ASMT: variants seen among roughly 807,000 people sequenced by gnomAD.
The protein encoded by ASMT is acetylserotonin O-methyltransferase.
ASMT carries 53 observed loss-of-function variants against 41.3 expected under a neutral mutation model. The ratio of observed to expected loss-of-function variants is 1.28; its 90% CI spans 1.03 to 1.61. The LOEUF (loss-of-function observed/expected upper bound fraction) is 1.61, where lower values mean the gene tolerates loss of function less well. ASMT is among the 40% of genes most tolerant of loss of function. ASMT has a pLI of 0.00. For synonymous variants in ASMT, 231 were observed against 184.8 expected, an observed-to-expected ratio of 1.25 and a Z score of -2.03; for missense variants, 531 against 441.3, an observed-to-expected ratio of 1.20 and a Z score of -1.82.
intron 1 of ASMT, among the ~76,000 whole-genome samples, chrX:1,615,663 T>G (rs1170296116): frequency 5.3e-5 from 8 of 151,728 alleles, no homozygotes; most frequent in South Asian, 2.1e-4. Context: ...TTAGCCAGGC[T>G]TGGTGGTACA....
chrX:1,615,603 G>C (rs1333530558), intron 1 of ASMT, among the ~76,000 whole-genome samples: 1 of 152,002 alleles, frequency 6.6e-6, no homozygotes, highest in Non-Finnish European at 1.5e-5. Context: ...GGGAGTTCGA[G>C]ACCAGCCTGA....
rs201557588 is a variant in ASMT, at chrX:1,623,125, G to C, written c.70-14G>C. 3.7e-6 allele frequency: 6 copies of C among 1,611,936 alleles called. No homozygotes were observed. The highest frequency in any genetic ancestry group is 5.1e-6 in the Non-Finnish European group (6 of 1,179,790). On this transcript the variant is annotated splice_polypyrimidine_tract_variant and intron_variant, in intron 1 of 8. Transcript: ENST00000381241. ...GGCTGAGCCCTGACCTTTTATTTCC[G>C]CTCCTGCTCCAAGGTTCTCTTCGCC...
Position 1,622,998 on chromosome X carries a change from C to CAA in ASMT, c.70-131_70-130dup, listed in dbSNP as rs372723318. 7.8e-3 allele frequency: 4,570 copies of CAA among 588,400 alleles called. 6 individuals carry two copies. Among genetic ancestry groups the CAA allele is most frequent in the African/African-American group, 0.041 (2,100 of 51,430 alleles). 36.4% of individuals were successfully genotyped at this position (588,400 alleles called of 1,614,324 possible). On this transcript the variant is annotated intron_variant, in intron 1 of 8. Coordinates refer to ENST00000381241, the MANE Select transcript of ASMT (RefSeq NM_001171038.2). Reference sequence around the variant, plus strand: ...GGTGCAATCTCATTTGACTCTGTCTCAAAAAAAAAAATAAATAAATGAATA... The same window carrying CAA: ...GGTGCAATCTCATTTGACTCTGTCTCAAAAAAAAAAAAATAAATAAATGAATA...
At position 1,618,602 on chromosome X, in the gene ASMT, A is replaced by AT. The variant is rs1934223335; in HGVS notation, c.69+3340dup. The stretch of plus-strand genomic sequence containing the variant: ...GGCGTGAGCCACTGACATCCAGCTA[A>AT]TTTTTTGTATTTTTGGTAGAGACGG... On this transcript the variant is annotated intron_variant, in intron 1 of 8. Transcript: ENST00000381241. 2.0e-5 allele frequency among the ~76,000 whole-genome samples: 3 copies of AT among 148,300 alleles called. No individual in the cohort carries two copies. In the South Asian group the frequency reaches 6.4e-4, roughly 32 times the overall value.
intron 7 of ASMT, among the ~76,000 whole-genome samples, chrX:1,635,742 A>G (rs1438145942): frequency 1.2e-4 from 18 of 151,578 alleles, no homozygotes; most frequent in Admixed American, 1.2e-3. Context: ...GGTGCCTGTA[A>G]TCCCAGCTAC....
chrX:1,629,361 G>T (rs1934683495), intron 4 of ASMT, among the ~76,000 whole-genome samples: 1 of 152,012 alleles, frequency 6.6e-6, no homozygotes, highest in Non-Finnish European at 1.5e-5. Flanking sequence ...CAACACCAGA[G>T]CCCTGTCCGC....
intron 1 of ASMT, among the ~76,000 whole-genome samples, chrX:1,622,141 A>G (rs1934358785): frequency 1.3e-5 from 2 of 151,438 alleles, no homozygotes; most frequent in African/African-American, 2.4e-5. Context: ...ACAGGTGCGC[A>G]CCACCATGCC....
intron 7 of ASMT, among the ~76,000 whole-genome samples, chrX:1,634,324 A>T (rs1390695743): frequency 2.0e-5 from 3 of 152,102 alleles, no homozygotes; most frequent in Non-Finnish European, 2.9e-5. Flanking sequence ...AATTCCCCCA[A>T]CAACAAGGTT....
chrX:1,623,880 C>T (rs1372832759), intron 2 of ASMT, among the ~76,000 whole-genome samples: 2 of 152,098 alleles, frequency 1.3e-5, no homozygotes, highest in African/African-American at 4.8e-5. Flanking sequence ...AGCTCCTGAC[C>T]TCAGGTGATC....
intron 1 of ASMT, among the ~76,000 whole-genome samples, chrX:1,615,579 G>C (rs1443255000): frequency 6.6e-6 from 1 of 151,940 alleles, no homozygotes; most frequent in Non-Finnish European, 1.5e-5. Context: ...GAGGCGGGCG[G>C]ATCACCTGAG....
chrX:1,635,690 C>T (rs1466345456), intron 7 of ASMT, among the ~76,000 whole-genome samples: 15 of 151,876 alleles, frequency 9.9e-5, no homozygotes, highest in African/African-American at 3.4e-4. Flanking sequence ...GGAGAAATCC[C>T]ATCTCTACTA....
intron 3 of ASMT, among the ~76,000 whole-genome samples, chrX:1,625,104 C>CTTTTTTT (rs1330663748): frequency 1.6e-5 from 2 of 127,406 alleles, no homozygotes; most frequent in African/African-American, 6.1e-5. Flanking sequence ...CTTTTCTTTT[C>CTTTTTTT]TTTCTTTTTT....
intron 1 of ASMT, among the ~76,000 whole-genome samples, chrX:1,621,088 T>G (rs1934323199): frequency 6.6e-6 from 1 of 151,980 alleles, no homozygotes; most frequent in Non-Finnish European, 1.5e-5. Context: ...AGAGCGAGAC[T>G]CCGTCTCAAA....
chrX:1,635,698 C>T (rs2149471694), intron 7 of ASMT, among the ~76,000 whole-genome samples: 1 of 151,816 alleles, frequency 6.6e-6, no homozygotes, highest in Admixed American at 6.6e-5. Context: ...CCCATCTCTA[C>T]TAAAAATACA....
At position 1,627,633 on chromosome X, in the gene ASMT, CGAAATGAAATGAAATGAAAT is replaced by C. The variant is rs542448808; in HGVS notation, c.375-45_375-26del. The C allele has an allele frequency of 5.6e-4, 668 of 1,199,544 alleles. 1 individual carries two copies. Among genetic ancestry groups the C allele is most frequent in the Admixed American group, 7.1e-4 (42 of 58,904 alleles). 74.3% of individuals were successfully genotyped at this position (1,199,544 alleles called of 1,614,324 possible). A position where few individuals can be genotyped will look rare whatever the true frequency, so the allele number is the denominator to read the frequency against. On this transcript the variant is annotated intron_variant, in intron 3 of 8. Transcript: ENST00000381241. ...TGAAATGAAATGAAACGAAATGAAA[CGAAATGAAATGAAATGAAAT>C]GAAATGAAATGAAATGAAATGAAAA... is the stretch of plus-strand genomic sequence containing the variant.
chrX:1,623,199 C>T lies in ASMT; in HGVS notation c.130C>T (p.Leu44=), dbSNP rs1260761766. 12 of 1,613,366 alleles carry T rather than the reference C, an allele frequency of 7.4e-6. No homozygotes were observed. The highest frequency in any genetic ancestry group is 1.0e-5 in the Non-Finnish European group (12 of 1,179,854). Reference sequence around the variant, plus strand: ...CCTTCTCGCCGAGGCCCCAGGGCCCCTGGACGTGGCGGCAGTGGCTGCAGG... The same window carrying T: ...CCTTCTCGCCGAGGCCCCAGGGCCCTTGGACGTGGCGGCAGTGGCTGCAGG... ...FDLLAEAPGP[L]DVAAVAAGVR... is the part of the protein sequence containing the mutation. Residue 44 remains leucine (L), a synonymous_variant, in exon 2 of 9, where the codon CTG becomes TTG. Coordinates refer to ENST00000381241, the MANE Select transcript of ASMT (RefSeq NM_001171038.2).
In ASMT at chrX:1,618,552, A is replaced by G. The variant is rs185458636; in HGVS notation, c.69+3284A>G. On this transcript the variant is annotated intron_variant, in intron 1 of 8. Transcript: ENST00000381241. ...TGACCTTGGGCAATCTGCCTGCCTC[A>G]GCCTCCCAAAGTGCTAGGATGACGG... Among the ~76,000 whole-genome samples the G allele has an allele frequency of 9.3e-3, 1,404 of 150,698 alleles. 22 individuals are homozygous for G. The highest frequency in any genetic ancestry group is 0.031 in the African/African-American group (1,255 of 40,860).
At chrX:1,630,640 T>C (rs1934739516) in intron 5 of ASMT, among the ~76,000 whole-genome samples, 1 of 151,894 alleles carries the variant, frequency 6.6e-6, no homozygotes, top group Non-Finnish European at 1.5e-5. Context: ...CACTGCAGCC[T>C]CAGACTCTCA....
intron 5 of ASMT, among the ~76,000 whole-genome samples, chrX:1,631,441 G>A (rs779458874): frequency 6.6e-5 from 10 of 152,074 alleles, no homozygotes; most frequent in Non-Finnish European, 8.8e-5. Flanking sequence ...ACTCCAGGCC[G>A]TGATCCACCC....
Sources: gnomAD v4.1 joint callset for allele counts (sites outside exome capture counted in the v4.1 genomes callset) on GRCh38, gnomAD v4.1.1 for gene constraint, MANE v1.5 for transcripts, NCBI Gene and HGNC (gene_info 2026-07-23, HGNC 2026-07-21) for gene names.